SYNGR1: variants seen among roughly 807,000 people sequenced by gnomAD.
SYNGR1 encodes the protein synaptogyrin 1.
SYNGR1 carries 14 observed loss-of-function variants against 26.1 expected under a neutral mutation model. The observed-to-expected ratio is 0.54, with a 90% CI of 0.35 to 0.84. The LOEUF (loss-of-function observed/expected upper bound fraction) is 0.84. SYNGR1 is among the 40% of genes least tolerant of loss of function. The probability of loss-of-function intolerance (pLI) is 0.01; values close to 1 mark genes in which losing one functional copy is unlikely to be tolerated. For missense variants in SYNGR1, 319 were observed against 332.9 expected (o/e 0.96, Z 0.33); for synonymous variants, 141 against 150.1 (o/e 0.94, Z 0.44).
chr22:39,367,069 A>G, intron 1 of SYNGR1, among the ~76,000 whole-genome samples: 1 of 152,176 alleles, frequency 6.6e-6, no homozygotes, highest in East Asian at 1.9e-4. Context: ...ACTTCTGCTC[A>G]AAGGTCGCTG....
At chr22:39,359,168 A>G (rs891459510) in intron 1 of SYNGR1, among the ~76,000 whole-genome samples, 4 of 152,134 alleles carry the variant, frequency 2.6e-5, no homozygotes, top group African/African-American at 9.7e-5. Flanking sequence ...TTTATCCCTC[A>G]GACCCTCCCT....
intron 1 of SYNGR1, among the ~76,000 whole-genome samples, chr22:39,352,903 C>T (rs1036018113): frequency 6.6e-6 from 1 of 152,094 alleles, no homozygotes; most frequent in Non-Finnish European, 1.5e-5. Flanking sequence ...GCTCTGTTGC[C>T]CAGGCTGGAG....
At chr22:39,377,396 G>A in intron 3 of SYNGR1, 1 of 985,456 alleles carries the variant, frequency 1.0e-6, no homozygotes. Flanking sequence ...TCAGTCCAGA[G>A]AAGGTGCCCC....
intron 1 of SYNGR1, among the ~76,000 whole-genome samples, chr22:39,371,114 C>T (rs1924997934): frequency 6.6e-6 from 1 of 152,116 alleles, no homozygotes; most frequent in African/African-American, 2.4e-5. Flanking sequence ...TTTTCACATA[C>T]CTGTCCTGGA....
intron 3 of SYNGR1, chr22:39,377,402 G>A: frequency 1.0e-6 from 1 of 985,434 alleles, no homozygotes; most frequent in Non-Finnish European, 1.2e-6. Flanking sequence ...CAGAGAAGGT[G>A]CCCCAGAAGT....
chr22:39,375,908 T>C, intron 2 of SYNGR1, 144 bp from the exon 3 acceptor site: 1 of 1,105,208 alleles, frequency 9.0e-7, no homozygotes, highest in Non-Finnish European at 1.4e-6. Flanking sequence ...CCCTACCCCC[T>C]TTGCCTGTCC....
chr22:39,385,110 G>A lies in SYNGR1; in HGVS notation c.*3196G>A. 1 of 398,078 alleles carries A rather than the reference G, an allele frequency of 2.5e-6. No homozygotes were observed. Among genetic ancestry groups the A allele is most frequent in the Non-Finnish European group, 4.4e-6 (1 of 225,846 alleles). The allele number at this position is 398,078 out of a possible 1,614,324, so 24.7% of individuals were successfully genotyped here. A position where few individuals can be genotyped will look rare whatever the true frequency, so the allele number is the denominator to read the frequency against. The stretch of plus-strand genomic sequence containing the variant: ...TGAGACACCCTGCCTGTTAGCCCTG[G>A]GAGACCCCTAACCTTGGCCCAAGAC... On this transcript the variant is annotated 3_prime_UTR_variant, in exon 4 of 4. Transcript: ENST00000328933.
At chr22:39,373,776 C>T (rs1159416938) in intron 1 of SYNGR1, among the ~76,000 whole-genome samples, 1 of 152,238 alleles carries the variant, frequency 6.6e-6, no homozygotes, top group East Asian at 1.9e-4. Flanking sequence ...AGCCACCACC[C>T]CCAGCCCACT....
rs756351994 is a variant in SYNGR1 at position 39,384,333 on chromosome 22, C to G, written c.*2419C>G. ...CCATCTTGGGTGTTTGTGACAGGCCCTGCCTGCCACCCTAGGCAGGGAAAG... is the reference window on the plus strand; with the variant it reads ...CCATCTTGGGTGTTTGTGACAGGCCGTGCCTGCCACCCTAGGCAGGGAAAG... On this transcript the variant is annotated 3_prime_UTR_variant, in exon 4 of 4. Coordinates refer to ENST00000328933, the MANE Select transcript of SYNGR1 (RefSeq NM_004711.5). 22 of 395,480 alleles carry G rather than the reference C, an allele frequency of 5.6e-5. No individual in the cohort carries two copies. Among genetic ancestry groups the G allele is most frequent in the Non-Finnish European group, 8.9e-5 (20 of 224,584 alleles). 24.5% of individuals were successfully genotyped at this position (395,480 alleles called of 1,614,324 possible).
intron 1 of SYNGR1, among the ~76,000 whole-genome samples, chr22:39,362,169 G>C (rs1212217434): frequency 6.6e-6 from 1 of 151,996 alleles, no homozygotes; most frequent in African/African-American, 2.4e-5. Context: ...TTTTCTTGAG[G>C]CTCCAAGGCC....
intron 1 of SYNGR1, among the ~76,000 whole-genome samples, chr22:39,367,810 G>A (rs1253782856): frequency 2.8e-5 from 4 of 142,912 alleles, no homozygotes; most frequent in South Asian, 4.4e-4. Context: ...GCAACAGAGC[G>A]AGACCCTGTC....
At chr22:39,352,763 C>A (rs1036765844) in intron 1 of SYNGR1, among the ~76,000 whole-genome samples, 26 of 152,344 alleles carry the variant, frequency 1.7e-4, no homozygotes, top group African/African-American at 5.5e-4. Context: ...TCCAGACAAA[C>A]AGGGACAATT....
At chr22:39,375,305 G>C (rs1925227776) in intron 2 of SYNGR1, 1 of 156,942 alleles carries the variant, frequency 6.4e-6, no homozygotes, top group African/African-American at 2.4e-5. Context: ...GAGCCTCAGG[G>C]TTCCCTGGCA....
Position 39,378,090 on chromosome 22 carries a change from G to C in SYNGR1, c.483+1893G>C. On this transcript the variant is annotated intron_variant, in intron 3 of 3. Coordinates refer to ENST00000328933, the MANE Select transcript of SYNGR1 (RefSeq NM_004711.5). ...AGGCGTTCATGGTCCCCATTGCTGA[G>C]CTGTGGGTGCAGAGCAATAGCCTCT... 3 of 1,180,694 alleles carry C rather than the reference G, an allele frequency of 2.5e-6. No individual in the cohort carries two copies. The South Asian group carries it at 4.9e-5, about 19-fold the overall frequency. 73.1% of individuals were successfully genotyped at this position (1,180,694 alleles called of 1,614,324 possible).
intron 1 of SYNGR1, among the ~76,000 whole-genome samples, chr22:39,361,008 CCTT>C (rs1478293636): frequency 4.6e-5 from 7 of 152,182 alleles, no homozygotes; most frequent in Non-Finnish European, 1.0e-4. Context: ...GATCGGTCGT[CCTT>C]CTAGCCACGG....
chr22:39,384,201 G>A lies in SYNGR1; in HGVS notation c.*2287G>A, dbSNP rs1459004450. 4 of 256,564 alleles carry A rather than the reference G, an allele frequency of 1.6e-5. No individual in the cohort carries two copies. Among genetic ancestry groups the A allele is most frequent in the Non-Finnish European group, 2.9e-5 (4 of 135,894 alleles). 15.9% of individuals were successfully genotyped at this position (256,564 alleles called of 1,614,324 possible). ...CTGTCCACCAAAAGCCTCTCCTGCTGATGGGCACTAGGAGACCTCAGGGTA... is the reference window on the plus strand; with the variant it reads ...CTGTCCACCAAAAGCCTCTCCTGCTAATGGGCACTAGGAGACCTCAGGGTA... On this transcript the variant is annotated 3_prime_UTR_variant, in exon 4 of 4. Coordinates refer to ENST00000328933, the MANE Select transcript of SYNGR1 (RefSeq NM_004711.5).
In SYNGR1 at chr22:39,376,149, C is replaced by T. The variant is rs139772277; in HGVS notation, c.435C>T (p.Asp145=). 75 of 1,614,068 alleles carry T rather than the reference C, an allele frequency of 4.6e-5. No individual in the cohort carries two copies. The highest frequency in any genetic ancestry group is 1.6e-4 in the Middle Eastern group (1 of 6,084). ...PKDNPLNEGT[D]AARAAIAFSF... ...ACAACCCACTGAACGAAGGGACGGA[C>T]GCAGCCCGGGCCGCCATCGCCTTCT... Residue 145 remains aspartate, a synonymous_variant, in exon 3 of 4, where the codon GAC becomes GAT. Transcript: ENST00000328933.
intron 1 of SYNGR1, among the ~76,000 whole-genome samples, chr22:39,357,736 C>T (rs1246273664): frequency 6.6e-6 from 1 of 151,906 alleles, no homozygotes. Context: ...AGGGACTTAG[C>T]GCCCGGGCCA....
chr22:39,370,162 A>G (rs1924954439), intron 1 of SYNGR1, among the ~76,000 whole-genome samples: 2 of 151,634 alleles, frequency 1.3e-5, no homozygotes, highest in South Asian at 4.2e-4. Flanking sequence ...TTTGAGACGG[A>G]TCTCTGTCGC....
Sources: gnomAD v4.1 joint callset for allele counts (sites outside exome capture counted in the v4.1 genomes callset) on GRCh38, gnomAD v4.1.1 for gene constraint, MANE v1.5 for transcripts, NCBI Gene and HGNC (gene_info 2026-07-23, HGNC 2026-07-21) for gene names.